Variants in LRRC7 observed in about 807,000 individuals in gnomAD.
LRRC7 encodes the protein leucine rich repeat containing 7, also known as leucine-rich repeat-containing protein 7.
LRRC7 carries 23 observed loss-of-function variants against 175.7 expected under a neutral mutation model. The ratio of observed to expected loss-of-function variants is 0.13; its 90% CI spans 0.09 to 0.19. The LOEUF is 0.19. Among genes scored for constraint, LRRC7 ranks in the 10% least tolerant of loss-of-function variants. LRRC7 has a pLI of 1.00. For missense variants in LRRC7, 1,354 were observed against 1,904.7 expected, an observed-to-expected ratio of 0.71 and a Z score of 5.38; for synonymous variants, 685 against 680.9, an observed-to-expected ratio of 1.01 and a Z score of -0.09.
chr1:70,045,400 T>G (rs1660249465), intron 22 of LRRC7, among the ~76,000 whole-genome samples: 1 of 152,064 alleles, frequency 6.6e-6, no homozygotes, highest in Non-Finnish European at 1.5e-5. Flanking sequence ...CACGTGCAGT[T>G]GACTCTCATG....
Position 70,129,680 on chromosome 1 carries a change from G to A in LRRC7, c.*7793G>A, listed in dbSNP as rs2102264952. On this transcript the variant is annotated 3_prime_UTR_variant, in exon 27 of 27. Coordinates refer to ENST00000651989, the MANE Select transcript of LRRC7 (RefSeq NM_001370785.2). ...CAAGGAGTTGAACAATCATTCAGCTGGCTGCATTTCATGTTTATTTACTTC... is the reference window on the plus strand; with the variant it reads ...CAAGGAGTTGAACAATCATTCAGCTAGCTGCATTTCATGTTTATTTACTTC... 6.6e-6 allele frequency among the ~76,000 whole-genome samples: 1 copy of A among 152,250 alleles called. No individual in the cohort carries two copies. Among genetic ancestry groups the A allele is most frequent in the Middle Eastern group, 3.4e-3 (1 of 294 alleles).
chr1:69,583,124 T>C (rs1006259994), intron 1 of LRRC7, among the ~76,000 whole-genome samples: 3 of 151,960 alleles, frequency 2.0e-5, no homozygotes, highest in Non-Finnish European at 4.4e-5. Flanking sequence ...TGGAGCATTT[T>C]ATATTTTAGG....
chr1:69,788,659 T>C (rs1463182420), intron 3 of LRRC7, among the ~76,000 whole-genome samples: 2 of 152,162 alleles, frequency 1.3e-5, no homozygotes, highest in Admixed American at 1.3e-4. Context: ...ATTGCCTCTT[T>C]AGCCTTCATC....
At chr1:69,881,101 T>G (rs1347424140) in intron 7 of LRRC7, among the ~76,000 whole-genome samples, 1 of 152,208 alleles carries the variant, frequency 6.6e-6, no homozygotes, top group Non-Finnish European at 1.5e-5. Context: ...ATATTTTAAT[T>G]AGTTGTTTCA....
Position 69,792,187 on chromosome 1 carries a change from A to G in LRRC7, c.421+27A>G, listed in dbSNP as rs55732160. The G allele has an allele frequency of 7.1e-5, 91 of 1,277,496 alleles. No individual in the cohort carries two copies. The African/African-American group carries it at 1.0e-3, about 14-fold the overall frequency. 79.1% of individuals were successfully genotyped at this position (1,277,496 alleles called of 1,614,324 possible). A position where few individuals can be genotyped will look rare whatever the true frequency, so the allele number is the denominator to read the frequency against. On this transcript the variant is annotated intron_variant, in intron 4 of 26. Coordinates refer to ENST00000651989, the MANE Select transcript of LRRC7 (RefSeq NM_001370785.2). ...TAAGATTTTTCTCTCATCATAAAAT[A>G]CCTAGAATTTTTTAACTGAAAATGT...
At chr1:69,777,806 A>G (rs1161080758) in intron 3 of LRRC7, among the ~76,000 whole-genome samples, 2 of 152,174 alleles carry the variant, frequency 1.3e-5, no homozygotes, top group South Asian at 4.1e-4. Flanking sequence ...ACAGCTGACT[A>G]ATGGAATAGT....
Position 69,909,095 on chromosome 1 carries a change from C to T in LRRC7, c.648-22412C>T, listed in dbSNP as rs1057175320. Among the ~76,000 whole-genome samples the T allele has an allele frequency of 5.4e-4, 82 of 151,618 alleles. 1 individual carries two copies. Among genetic ancestry groups the T allele is most frequent in the Non-Finnish European group, 1.0e-3 (70 of 67,940 alleles). On this transcript the variant is annotated intron_variant, in intron 7 of 26. Transcript: ENST00000651989. ...TTATCAGAGACTAGGATTGCAACCC[C>T]TGCCTTTTTTTGTTTCCATTTGTTT...
intron 5 of LRRC7, among the ~76,000 whole-genome samples, chr1:69,831,632 C>T (rs78898899): frequency 0.063 from 9,655 of 152,130 alleles, 359 homozygotes; most frequent in East Asian, 0.15. Context: ...TCACTTGCCT[C>T]CCTTCTCTTT....
chr1:69,717,854 G>A (rs199895885), intron 2 of LRRC7, among the ~76,000 whole-genome samples: 11 of 6,608 alleles, frequency 1.7e-3, no homozygotes, highest in East Asian at 0.056. Flanking sequence ...AGAAAGAAAG[G>A]AAAGAAAGAA....
chr1:70,023,508 T>A, intron 17 of LRRC7, 134 bp downstream of exon 17: 1 of 947,308 alleles, frequency 1.1e-6, no homozygotes. Flanking sequence ...TGCCAGTGTT[T>A]TATCTCAATT....
chr1:69,862,827 C>A (rs1458103102), intron 7 of LRRC7, among the ~76,000 whole-genome samples: 4 of 151,790 alleles, frequency 2.6e-5, no homozygotes, highest in African/African-American at 7.3e-5. Context: ...CTCCCTTAGA[C>A]CCCCCACCCC....
At chr1:69,991,475 A>G (rs150052507) in intron 10 of LRRC7, among the ~76,000 whole-genome samples, 1 of 152,278 alleles carries the variant, frequency 6.6e-6, no homozygotes, top group African/African-American at 2.4e-5. Flanking sequence ...GTATTTATAC[A>G]TCTGCAGAGT....
intron 1 of LRRC7, among the ~76,000 whole-genome samples, chr1:69,596,740 C>G (rs1646862007): frequency 6.6e-6 from 1 of 152,226 alleles, no homozygotes; most frequent in South Asian, 2.1e-4. Context: ...TTCCTTGTAC[C>G]TATTTTGAGA....
At chr1:69,820,700 T>C (rs1679184526) in intron 4 of LRRC7, among the ~76,000 whole-genome samples, 1 of 151,684 alleles carries the variant, frequency 6.6e-6, no homozygotes, top group Non-Finnish European at 1.5e-5. Flanking sequence ...CTCATCCTTT[T>C]TTATAGATGC....
chr1:69,813,037 A>G (rs1324686590), intron 4 of LRRC7, among the ~76,000 whole-genome samples: 2 of 152,086 alleles, frequency 1.3e-5, no homozygotes, highest in Non-Finnish European at 2.9e-5. Context: ...AACCCCAAAT[A>G]TCTGACCCCA....
At chr1:69,842,218 C>T (rs1681805555) in intron 7 of LRRC7, among the ~76,000 whole-genome samples, 1 of 151,908 alleles carries the variant, frequency 6.6e-6, no homozygotes, top group Admixed American at 6.6e-5. Context: ...GAAATTTTTT[C>T]CACAGAAGTA....
chr1:69,806,184 T>C (rs1023364411), intron 4 of LRRC7, among the ~76,000 whole-genome samples: 1 of 151,900 alleles, frequency 6.6e-6, no homozygotes. Context: ...TAGTGAGTGC[T>C]CAATAAAGTG....
intron 24 of LRRC7, among the ~76,000 whole-genome samples, chr1:70,080,132 G>C (rs1427691115): frequency 6.6e-6 from 1 of 152,122 alleles, no homozygotes; most frequent in African/African-American, 2.4e-5. Flanking sequence ...TTATAGAACT[G>C]CCTTATGGAG....
chr1:70,076,517 A>G (rs1662790061), intron 24 of LRRC7, among the ~76,000 whole-genome samples: 1 of 152,136 alleles, frequency 6.6e-6, no homozygotes, highest in Admixed American at 6.5e-5. Context: ...TTACAAAAGG[A>G]AAAATTGATG....
Sources: gnomAD v4.1 joint callset for allele counts (sites outside exome capture counted in the v4.1 genomes callset) on GRCh38, gnomAD v4.1.1 for gene constraint, MANE v1.5 for transcripts, NCBI Gene and HGNC (gene_info 2026-07-23, HGNC 2026-07-21) for gene names.